Variants in ANO2 observed in about 807,000 individuals in gnomAD.
ANO2 encodes the protein anoctamin 2.
A neutral mutation model predicts 124.2 loss-of-function variants in ANO2; 101 were observed. The observed-to-expected ratio is 0.81, with a 90% CI of 0.69 to 0.96. ANO2 has a LOEUF of 0.96. Among genes scored for constraint, ANO2 ranks in the 40% least tolerant of loss-of-function variants. The pLI, the probability that ANO2 is intolerant of heterozygous loss-of-function variation, is 0.00. For synonymous variants in ANO2, 486 were observed against 482.5 expected, an observed-to-expected ratio of 1.01 and a Z score of -0.09; for missense variants, 1,293 against 1,274.5, an observed-to-expected ratio of 1.01 and a Z score of -0.22.
In ANO2 at chr12:5,563,608, C is replaced by T. The variant is rs373910465; in HGVS notation, c.2728-40G>A. On this transcript the variant is annotated intron_variant, in intron 24 of 24. Transcript: ENST00000682330. Reference sequence around the variant, plus strand: ...GGAGAGAGGGGCTGAGTTGGAGAGGCCCGGCCTGGGGAGGTGGCGGCCCTG... The same window carrying T: ...GGAGAGAGGGGCTGAGTTGGAGAGGTCCGGCCTGGGGAGGTGGCGGCCCTG... 5.3e-5 allele frequency: 85 copies of T among 1,607,372 alleles called. No individual in the cohort carries two copies. In the African/African-American group the frequency reaches 8.2e-4, roughly 15 times the overall value.
chr12:5,935,918 A>C (rs1446415105), intron 1 of ANO2, among the ~76,000 whole-genome samples: 4 of 152,248 alleles, frequency 2.6e-5, no homozygotes, highest in African/African-American at 9.6e-5. Flanking sequence ...GCACAGATCT[A>C]GTCACAGATC....
At chr12:5,839,841 G>A (rs1000787359) in intron 4 of ANO2, among the ~76,000 whole-genome samples, 1 of 152,188 alleles carries the variant, frequency 6.6e-6, no homozygotes, top group Non-Finnish European at 1.5e-5. Context: ...GCCACAGTCA[G>A]TGGTAAAATC....
chr12:5,805,534 T>G (rs1479917375), intron 9 of ANO2, among the ~76,000 whole-genome samples: 1 of 152,192 alleles, frequency 6.6e-6, no homozygotes, highest in East Asian at 1.9e-4. Context: ...GGAGTGGCTA[T>G]ACTCCACCTG....
In ANO2 at chr12:5,787,105, A is replaced by G. The variant is rs1450151107; in HGVS notation, c.1055+12402T>C. On this transcript the variant is annotated intron_variant, in intron 10 of 24. Transcript: ENST00000682330. The surrounding 1 kb of genome is among the most constrained non-coding windows in gnomAD (Gnocchi z 4.2). ...AAGACAAAAGAGGCTCTGGGCTCAG[A>G]GTCATGATGGCCAGGCTGCCCACAA... Among the ~76,000 whole-genome samples the G allele has an allele frequency of 6.6e-6, 1 of 152,142 alleles. No homozygotes were observed. The highest frequency in any genetic ancestry group is 1.5e-5 in the Non-Finnish European group (1 of 68,020).
chr12:5,669,938 T>C (rs997040467), intron 14 of ANO2, among the ~76,000 whole-genome samples: 12 of 152,232 alleles, frequency 7.9e-5, no homozygotes, highest in Non-Finnish European at 1.0e-4. Context: ...ACATAAGCAG[T>C]TGTGTCCATG....
At chr12:5,863,229 TC>T (rs1955326965) in intron 3 of ANO2, among the ~76,000 whole-genome samples, 1 of 152,122 alleles carries the variant, frequency 6.6e-6, no homozygotes, top group Admixed American at 6.6e-5. Context: ...TCTTCCCCAC[TC>T]AACCCCTGAG....
At chr12:5,597,681 C>A (rs931284394) in intron 20 of ANO2, among the ~76,000 whole-genome samples, 2 of 152,156 alleles carry the variant, frequency 1.3e-5, no homozygotes, top group African/African-American at 4.8e-5. Context: ...GGACCACTGG[C>A]GTCAGAGGGT....
chr12:5,829,881 T>C (rs7484645), intron 6 of ANO2, among the ~76,000 whole-genome samples: 8,033 of 152,274 alleles, frequency 0.053, 337 homozygotes, highest in East Asian at 0.23. Context: ...GTCACAAGCG[T>C]TGGCTTTCTA....
At chr12:5,654,797 C>T (rs1174330097) in intron 14 of ANO2, among the ~76,000 whole-genome samples, 1 of 152,172 alleles carries the variant, frequency 6.6e-6, no homozygotes, top group Non-Finnish European at 1.5e-5. Flanking sequence ...CAGTCTGGCC[C>T]ATCACTCCAG....
intron 23 of ANO2, among the ~76,000 whole-genome samples, chr12:5,567,213 T>G (rs1374522979): frequency 6.6e-6 from 1 of 152,168 alleles, no homozygotes; most frequent in East Asian, 1.9e-4. Flanking sequence ...TGGTTTGACA[T>G]CCGGATGAAA....
chr12:5,645,668 G>T (rs1337864881), intron 15 of ANO2, among the ~76,000 whole-genome samples: 1 of 152,148 alleles, frequency 6.6e-6, no homozygotes, highest in Non-Finnish European at 1.5e-5. Context: ...TCTGGTCTTT[G>T]CTGTCTGTTC....
At chr12:5,718,633 T>C (rs2137048772) in intron 14 of ANO2, among the ~76,000 whole-genome samples, 1 of 152,318 alleles carries the variant, frequency 6.6e-6, no homozygotes, top group Non-Finnish European at 1.5e-5. Flanking sequence ...CATTTCCTGG[T>C]CTAATACATA....
At chr12:5,919,822 C>G (rs1001857368) in intron 3 of ANO2, among the ~76,000 whole-genome samples, 5 of 152,104 alleles carry the variant, frequency 3.3e-5, no homozygotes, top group Admixed American at 2.6e-4. Context: ...CTCAGCCTCC[C>G]GAGTAGCTGG....
At chr12:5,824,240 G>A (rs942803919) in intron 7 of ANO2, among the ~76,000 whole-genome samples, 2 of 152,134 alleles carry the variant, frequency 1.3e-5, no homozygotes, top group African/African-American at 4.8e-5. Flanking sequence ...CAGAAAAATG[G>A]GTTTTTCTTT....
At chr12:5,720,162 A>C (rs546707579) in intron 14 of ANO2, among the ~76,000 whole-genome samples, 4 of 152,290 alleles carry the variant, frequency 2.6e-5, no homozygotes. Flanking sequence ...TGGATGGAGA[A>C]GGAGGTTTTT....
chr12:5,577,828 C>T (rs1942499587), intron 22 of ANO2, 127 bp downstream of exon 22: 2 of 913,274 alleles, frequency 2.2e-6, no homozygotes, highest in Non-Finnish European at 3.3e-6. Context: ...AACCAGAGCA[C>T]TGTCACCAAT....
chr12:5,640,478 A>G (rs1275238060), intron 15 of ANO2, among the ~76,000 whole-genome samples: 1 of 152,216 alleles, frequency 6.6e-6, no homozygotes, highest in Admixed American at 6.5e-5. Flanking sequence ...CAATCTGCCC[A>G]TCTGACAAAG....
chr12:5,639,956 A>G (rs1260576670), intron 15 of ANO2, among the ~76,000 whole-genome samples: 2 of 152,184 alleles, frequency 1.3e-5, no homozygotes, highest in Non-Finnish European at 1.5e-5. Flanking sequence ...TCTGGGGCAC[A>G]GGAGGAAAGC....
chr12:5,568,559 C>T (rs1331159480), intron 23 of ANO2, among the ~76,000 whole-genome samples: 4 of 152,150 alleles, frequency 2.6e-5, no homozygotes, highest in African/African-American at 9.7e-5. Flanking sequence ...TCAGATTTCA[C>T]AATTGTTTTT....
Sources: gnomAD v4.1 joint callset for allele counts (sites outside exome capture counted in the v4.1 genomes callset) on GRCh38, gnomAD v4.1.1 for gene constraint, Gnocchi (gnomAD v3.1) non-coding constraint, MANE v1.5 for transcripts, NCBI Gene and HGNC (gene_info 2026-07-23, HGNC 2026-07-21) for gene names.